Variants in XKR4 observed in about 807,000 individuals in gnomAD.
XKR4 encodes XK-related protein 4.
Under a neutral mutation model 53.9 loss-of-function variants are expected in XKR4, and 12 were observed. That is an observed-to-expected ratio of 0.22 (90% CI 0.14 to 0.36). XKR4 has a LOEUF of 0.36. XKR4 is among the 10% of genes least tolerant of loss of function. XKR4 has a pLI of 1.00. For missense variants in XKR4, 799 were observed against 859.5 expected (o/e 0.93, Z 0.88); for synonymous variants, 354 against 362.4 (o/e 0.98, Z 0.26).
intron 1 of XKR4, among the ~76,000 whole-genome samples, chr8:55,344,203 A>T (rs1803600677): frequency 6.6e-6 from 1 of 152,064 alleles, no homozygotes; most frequent in Admixed American, 6.6e-5. Context: ...AGGCCTATGG[A>T]TTTTTCAGTT....
chr8:55,238,742 G>T (rs767365442), intron 1 of XKR4, among the ~76,000 whole-genome samples: 1 of 152,184 alleles, frequency 6.6e-6, no homozygotes, highest in East Asian at 1.9e-4. Context: ...AGAATTAAAA[G>T]TGGGTCCCAG....
intron 2 of XKR4, among the ~76,000 whole-genome samples, chr8:55,440,413 T>G (rs1015926746): frequency 7.2e-5 from 11 of 152,136 alleles, no homozygotes; most frequent in Non-Finnish European, 1.2e-4. Context: ...TAGATATAAA[T>G]TCCTCCAAAA....
chr8:55,199,688 T>C (rs950547412), intron 1 of XKR4, among the ~76,000 whole-genome samples: 1 of 152,170 alleles, frequency 6.6e-6, no homozygotes, highest in African/African-American at 2.4e-5. Context: ...CAGCTATGGA[T>C]CACTAACATT....
rs1585553138 is a variant in XKR4, at chr8:55,393,159, T to A, written c.1006+35282T>A. Among the ~76,000 whole-genome samples, 6 of 152,232 alleles carry A rather than the reference T, an allele frequency of 3.9e-5. No individual in the cohort carries two copies. The East Asian group carries it at 7.7e-4, about 20-fold the overall frequency. The stretch of plus-strand genomic sequence containing the variant: ...GATGAGAAACTTCTTGATGTGAAGA[T>A]CAGACTGTCTTCGAATCATAAAAAG... On this transcript the variant is annotated intron_variant, in intron 2 of 2. Coordinates refer to ENST00000327381, the MANE Select transcript of XKR4 (RefSeq NM_052898.2).
intron 1 of XKR4, among the ~76,000 whole-genome samples, chr8:55,267,675 T>TA (rs2063493659): frequency 6.6e-6 from 1 of 152,028 alleles, no homozygotes; most frequent in Non-Finnish European, 1.5e-5. Flanking sequence ...TATTATCTTT[T>TA]TTTTCATTTT....
At chr8:55,243,744 C>T (rs1176660905) in intron 1 of XKR4, among the ~76,000 whole-genome samples, 2 of 152,138 alleles carry the variant, frequency 1.3e-5, no homozygotes, top group Non-Finnish European at 2.9e-5. Context: ...TTCTGTAAGG[C>T]TCTAGAGAGA....
chr8:55,324,287 G>A (rs1468134668), intron 1 of XKR4, among the ~76,000 whole-genome samples: 1 of 152,070 alleles, frequency 6.6e-6, no homozygotes, highest in Non-Finnish European at 1.5e-5. Flanking sequence ...GTAGAGACAG[G>A]GTCTTGCTAC....
At chr8:55,189,054 T>C (rs1817412336) in intron 1 of XKR4, among the ~76,000 whole-genome samples, 1 of 152,222 alleles carries the variant, frequency 6.6e-6, no homozygotes, top group Non-Finnish European at 1.5e-5. Flanking sequence ...AGGTCCAAGC[T>C]GAGATAAACA....
At chr8:55,131,859 G>A (rs1237222830) in intron 1 of XKR4, among the ~76,000 whole-genome samples, 7 of 152,122 alleles carry the variant, frequency 4.6e-5, no homozygotes, top group Non-Finnish European at 4.4e-5. Flanking sequence ...GCAGGCATTG[G>A]GCCACCATGC....
chr8:55,253,350 A>G (rs1415356845), intron 1 of XKR4, among the ~76,000 whole-genome samples: 1 of 152,174 alleles, frequency 6.6e-6, no homozygotes, highest in East Asian at 1.9e-4. Flanking sequence ...AAGACGATGG[A>G]TTTAATACCA....
At chr8:55,180,475 G>C (rs765402410) in intron 1 of XKR4, among the ~76,000 whole-genome samples, 1 of 152,152 alleles carries the variant, frequency 6.6e-6, no homozygotes, top group African/African-American at 2.4e-5. Flanking sequence ...TCAGTGTGGC[G>C]AAAGGAACTT....
At chr8:55,353,515 A>G (rs919319672) in intron 1 of XKR4, among the ~76,000 whole-genome samples, 3 of 152,218 alleles carry the variant, frequency 2.0e-5, no homozygotes, top group African/African-American at 7.2e-5. Flanking sequence ...AACTCTGATG[A>G]CACCCTGATT....
intron 1 of XKR4, among the ~76,000 whole-genome samples, chr8:55,212,248 A>G (rs1032005519): frequency 6.6e-6 from 1 of 152,216 alleles, no homozygotes; most frequent in African/African-American, 2.4e-5. Flanking sequence ...GGTACCATAC[A>G]CTTAGTTAAT....
chr8:55,114,964 G>A (rs1816286254), intron 1 of XKR4, among the ~76,000 whole-genome samples: 1 of 152,178 alleles, frequency 6.6e-6, no homozygotes. Context: ...CTAGTCATGG[G>A]CATCCCCCCT....
At chr8:55,513,845 T>C (rs1232370024) in intron 2 of XKR4, among the ~76,000 whole-genome samples, 1 of 152,246 alleles carries the variant, frequency 6.6e-6, no homozygotes, top group East Asian at 1.9e-4. Context: ...TGTAAGGACT[T>C]CGAAGTCAGA....
intron 1 of XKR4, among the ~76,000 whole-genome samples, chr8:55,285,694 G>A (rs1818899141): frequency 6.6e-6 from 1 of 152,168 alleles, no homozygotes; most frequent in Admixed American, 6.5e-5. Context: ...CTCTCTGTTA[G>A]GGGTGTTCAG....
At chr8:55,257,088 A>T (rs963380880) in intron 1 of XKR4, among the ~76,000 whole-genome samples, 7 of 152,138 alleles carry the variant, frequency 4.6e-5, no homozygotes, top group Non-Finnish European at 1.5e-5. Context: ...TAATACCATC[A>T]CATTGCGTAT....
chr8:55,460,646 C>T (rs953621105), intron 2 of XKR4, among the ~76,000 whole-genome samples: 5 of 152,164 alleles, frequency 3.3e-5, no homozygotes, highest in African/African-American at 7.2e-5. Flanking sequence ...GGACAGTGGG[C>T]GCAGCGCACC....
chr8:55,463,295 C>G (rs1378241727), intron 2 of XKR4, among the ~76,000 whole-genome samples: 1 of 152,150 alleles, frequency 6.6e-6, no homozygotes, highest in Non-Finnish European at 1.5e-5. Context: ...ATAGTGCAAT[C>G]AAACTGGAAC....
Sources: allele counts gnomAD v4.1 joint callset (sites outside exome capture counted in the v4.1 genomes callset), GRCh38; gene constraint gnomAD v4.1.1; transcripts MANE v1.5; gene names NCBI Gene and HGNC (gene_info 2026-07-23, HGNC 2026-07-21).